Variants in FAM72B observed in about 807,000 individuals in gnomAD.
The protein encoded by FAM72B is protein FAM72B.
A neutral mutation model predicts 12.6 loss-of-function variants in FAM72B; 4 were observed. The ratio of observed to expected loss-of-function variants is 0.32; its 90% CI spans 0.16 to 0.73. FAM72B has a LOEUF of 0.73. Ranked by LOEUF, FAM72B falls within the 30% of genes least tolerant of loss-of-function variation. The probability of loss-of-function intolerance (pLI) is 0.67; values close to 1 mark genes in which losing one functional copy is unlikely to be tolerated. For missense variants in FAM72B, 61 were observed against 158.4 expected (o/e 0.39, Z 3.30); for synonymous variants, 13 against 53.9 (o/e 0.24, Z 3.32).
chr1:121,183,602 T>C lies in FAM72B; in HGVS notation c.-113A>G, dbSNP rs1654387801. On this transcript the variant is annotated 5_prime_UTR_variant, in exon 1 of 4. Coordinates refer to ENST00000369390, the MANE Select transcript of FAM72B (RefSeq NM_001100910.2). ...CAAGTTGCGGGACCTAGAGCTTTTCTAAGTCCTAATATTGGGAAGGAAATT... is the reference window on the plus strand; with the variant it reads ...CAAGTTGCGGGACCTAGAGCTTTTCCAAGTCCTAATATTGGGAAGGAAATT... 5 of 1,598,970 alleles carry C rather than the reference T, an allele frequency of 3.1e-6. No homozygotes were observed. The highest frequency in any genetic ancestry group is 1.4e-5 in the African/African-American group (1 of 73,808).
intron 2 of FAM72B, among the ~76,000 whole-genome samples, chr1:121,179,288 G>C (rs1163844342): frequency 1.3e-5 from 2 of 151,406 alleles, no homozygotes; most frequent in African/African-American, 4.9e-5. Context: ...AGAGGTGAGA[G>C]AATCACTTGA....
chr1:121,178,679 C>G, intron 2 of FAM72B, among the ~76,000 whole-genome samples: 1 of 151,814 alleles, frequency 6.6e-6, no homozygotes, highest in Non-Finnish European at 1.5e-5. Context: ...AGGCACTGCT[C>G]TAGGTGCTAG....
chr1:121,168,806 G>T lies in FAM72B; in HGVS notation c.385C>A (p.Pro129Thr), dbSNP rs140743460. 11,358 of 1,608,166 alleles carry T rather than the reference G, an allele frequency of 7.1e-3. 705 individuals carry two copies. The African/African-American group carries it at 0.13, about 19-fold the overall frequency. ...GVNILLWGNL[P>T]EIEESTDEDV... ...TCATCTGTACTCTCTTCTATCTCTG[G>T]CAAGTTGCCCCAAAGTAGGATGTTT... The change falls in exon 4 of 4, where the codon CCA becomes ACA. Residue 129 changes from proline to threonine, a missense_variant. Pro to Thr is a conservative substitution (Grantham distance 38, BLOSUM62 -1). Transcript: ENST00000369390.
chr1:121,183,631 T>G lies in FAM72B; in HGVS notation c.-142A>C. ...TCCTAATATTGGGAAGGAAATTAGT[T>G]TTTTTTTTCTGTTTTCCCGGTGGCG... On this transcript the variant is annotated 5_prime_UTR_variant, in exon 1 of 4. Coordinates refer to ENST00000369390, the MANE Select transcript of FAM72B (RefSeq NM_001100910.2). 6.4e-7 allele frequency: 1 copy of G among 1,556,754 alleles called. No homozygotes were observed. Among genetic ancestry groups the G allele is most frequent in the South Asian group, 1.2e-5 (1 of 81,230 alleles).
At chr1:121,169,882 T>G (rs2101305790) in intron 3 of FAM72B, among the ~76,000 whole-genome samples, 1 of 152,324 alleles carries the variant, frequency 6.6e-6, no homozygotes, top group African/African-American at 2.4e-5. Context: ...TTTATTACTC[T>G]GGGCATATAT....
At chr1:121,172,551 T>A (rs1325132437) in intron 3 of FAM72B, among the ~76,000 whole-genome samples, 2 of 140,634 alleles carry the variant, frequency 1.4e-5, no homozygotes, top group Middle Eastern at 3.8e-3. Context: ...TCACCTGAGG[T>A]CAGGAGGTCG....
At chr1:121,173,021 G>A (rs200167515) in intron 3 of FAM72B, among the ~76,000 whole-genome samples, 21 of 137,472 alleles carry the variant, frequency 1.5e-4, no homozygotes, top group Non-Finnish European at 2.7e-4. Flanking sequence ...AGGCTGCCAT[G>A]AGCCAAGATG....
intron 3 of FAM72B, among the ~76,000 whole-genome samples, chr1:121,174,365 TTTTC>T (rs1225350553): frequency 1.3e-5 from 2 of 149,266 alleles, no homozygotes; most frequent in African/African-American, 5.1e-5. Flanking sequence ...TTTTCTTTTC[TTTTC>T]TTTTTTTTTT....
chr1:121,180,987 T>C (rs1553317550), intron 2 of FAM72B, among the ~76,000 whole-genome samples: 2 of 152,218 alleles, frequency 1.3e-5, no homozygotes, highest in South Asian at 2.1e-4. Context: ...ACATGGTTTT[T>C]ATTATTGTAA....
chr1:121,174,287 G>A (rs1553316564), intron 3 of FAM72B, among the ~76,000 whole-genome samples: 1 of 151,832 alleles, frequency 6.6e-6, no homozygotes, highest in Non-Finnish European at 1.5e-5. Flanking sequence ...AGATGTAGAA[G>A]CTGCAGCAAG....
rs1553316985 is a variant in FAM72B, at chr1:121,177,312, T to A, written c.251A>T (p.His84Leu). The change falls in exon 3 of 4, where the codon CAT becomes CTT. Residue 84 changes from histidine (H) to leucine (L), a missense_variant. This residue lies in a region of FAM72B where 49 missense variants were observed against 80.4 expected (regional missense o/e 0.61). Coordinates refer to ENST00000369390, the MANE Select transcript of FAM72B (RefSeq NM_001100910.2). ...CLKCGNIVGY[H>L]VIVPCSSCLP... ...ACAGGAACTACATGGAACAATCACA[T>A]GATAACCTACAATGTTCCCACTAGA... 2 of 1,611,574 alleles carry A rather than the reference T, an allele frequency of 1.2e-6. No individual in the cohort carries two copies. The highest frequency in any genetic ancestry group is 2.2e-5 in the South Asian group (2 of 90,968).
At chr1:121,171,828 G>A (rs1330209524) in intron 3 of FAM72B, among the ~76,000 whole-genome samples, 1 of 89,304 alleles carries the variant, frequency 1.1e-5, no homozygotes, top group Non-Finnish European at 2.2e-5. Flanking sequence ...TAGATTGAGA[G>A]CCACAGTTGA....
intron 3 of FAM72B, among the ~76,000 whole-genome samples, chr1:121,172,560 C>T (rs1390492724): frequency 6.8e-6 from 1 of 146,348 alleles, no homozygotes; most frequent in African/African-American, 2.8e-5. Context: ...GTCAGGAGGT[C>T]GAGACCAGCC....
In FAM72B at chr1:121,180,450, G is replaced by T. The variant is rs1451838770; in HGVS notation, c.230+821C>A. Reference sequence around the variant, plus strand: ...TGTAATCCCAGCTACTCAGGAGGCTGAGGCAGGAGAATCACTTGAACCTGG... The same window carrying T: ...TGTAATCCCAGCTACTCAGGAGGCTTAGGCAGGAGAATCACTTGAACCTGG... On this transcript the variant is annotated intron_variant, in intron 2 of 3. Transcript: ENST00000369390. Among the ~76,000 whole-genome samples, 645 of 133,122 alleles carry T rather than the reference G, an allele frequency of 4.8e-3. 8 individuals carry two copies. Among genetic ancestry groups the T allele is most frequent in the African/African-American group, 0.018 (602 of 32,690 alleles). 87.3% of individuals were successfully genotyped at this position (133,122 alleles called of 152,430 possible).
At chr1:121,172,812 G>C (rs1201936589) in intron 3 of FAM72B, among the ~76,000 whole-genome samples, 1 of 117,930 alleles carries the variant, frequency 8.5e-6, no homozygotes, top group Non-Finnish European at 1.7e-5. Context: ...GGTGACTCAC[G>C]TCTGTAATCC....
At chr1:121,169,877 T>C (rs587680371) in intron 3 of FAM72B, among the ~76,000 whole-genome samples, 4 of 152,314 alleles carry the variant, frequency 2.6e-5, no homozygotes, top group African/African-American at 4.8e-5. Context: ...ACAAGTTTAT[T>C]ACTCTGGGCA....
At chr1:121,172,575 C>T (rs1654115800) in intron 3 of FAM72B, among the ~76,000 whole-genome samples, 1 of 146,364 alleles carries the variant, frequency 6.8e-6, no homozygotes, top group Admixed American at 6.6e-5. Context: ...CCAGCCTGGG[C>T]AACATGGCAA....
intron 2 of FAM72B, among the ~76,000 whole-genome samples, chr1:121,177,548 C>CTATTATTATTATTAT (rs200543221): frequency 3.7e-4 from 38 of 103,814 alleles, no homozygotes; most frequent in Non-Finnish European, 6.1e-4. Context: ...CATTTCTTTG[C>CTATTATTATTATTAT]TATTATTATT....
chr1:121,179,481 T>C (rs1553317303), intron 2 of FAM72B, among the ~76,000 whole-genome samples: 6 of 149,086 alleles, frequency 4.0e-5, no homozygotes, highest in East Asian at 4.1e-4. Context: ...GTCAGGAGTT[T>C]GAGACCAGCC....
Sources: gnomAD v4.1 joint callset for allele counts (sites outside exome capture counted in the v4.1 genomes callset) on GRCh38, gnomAD v4.1.1 for gene constraint, gnomAD v4.1.1 regional missense constraint, MANE v1.5 for transcripts, NCBI Gene and HGNC (gene_info 2026-07-23, HGNC 2026-07-21) for gene names.